Variants in C5 observed in about 807,000 individuals in gnomAD.
C5 encodes complement C5.
A neutral mutation model predicts 218.8 loss-of-function variants in C5; 140 were observed. The ratio of observed to expected loss-of-function variants is 0.64; its 90% CI spans 0.56 to 0.74. The LOEUF (loss-of-function observed/expected upper bound fraction) is 0.74, where lower values mean the gene tolerates loss of function less well. C5 is among the 30% of genes least tolerant of loss of function. C5 has a pLI of 0.00. For missense variants in C5, 1,700 were observed against 1,969.6 expected (o/e 0.86, Z 2.59); for synonymous variants, 614 against 682.3 (o/e 0.90, Z 1.56).
chr9:120,977,444 C>T (rs1299599426), intron 28 of C5, among the ~76,000 whole-genome samples: 2 of 152,130 alleles, frequency 1.3e-5, no homozygotes, highest in African/African-American at 4.8e-5. Context: ...GAACACTCAA[C>T]CTATTTTTTG....
At chr9:121,012,469 G>A (rs1451604380) in intron 17 of C5, among the ~76,000 whole-genome samples, 2 of 152,076 alleles carry the variant, frequency 1.3e-5, no homozygotes, top group Admixed American at 1.3e-4. Context: ...AGCTGAGACT[G>A]CGCCATTGCA....
the C5 span, among the ~76,000 whole-genome samples, chr9:121,070,394 T>G: frequency 1.5e-4 from 7 of 45,992 alleles, no homozygotes; most frequent in African/African-American, 3.4e-4. Context: ...GATATATATA[T>G]ATATATATAT....
At chr9:120,957,241 A>C (rs758026799) in intron 39 of C5, 44 bp downstream of exon 39, 3 of 1,300,072 alleles carry the variant, frequency 2.3e-6, no homozygotes, top group Non-Finnish European at 3.3e-6. Flanking sequence ...GTCAGTACTA[A>C]ATAGTTGCTG....
At chr9:120,992,657 A>G (rs2047085560) in intron 22 of C5, among the ~76,000 whole-genome samples, 1 of 152,224 alleles carries the variant, frequency 6.6e-6, no homozygotes, top group Non-Finnish European at 1.5e-5. Context: ...AAGAGAAGTT[A>G]ATTTTATTCC....
the C5 span, chr9:121,074,628 C>A: frequency 5.5e-6 from 2 of 366,938 alleles, no homozygotes; most frequent in African/African-American, 4.3e-5. Flanking sequence ...CGGACACAGG[C>A]CCTGAGAAGC....
chr9:120,978,126 C>A (rs557150443), intron 28 of C5, among the ~76,000 whole-genome samples: 16 of 152,160 alleles, frequency 1.1e-4, no homozygotes, highest in Non-Finnish European at 2.2e-4. Context: ...TTATTTCTTT[C>A]CAATTTAAAG....
rs991961933 is a variant in C5, at chr9:120,961,579, A to C, written c.4505-14T>G. 2.6e-6 allele frequency: 4 copies of C among 1,538,176 alleles called. No homozygotes were observed. The highest frequency in any genetic ancestry group is 3.6e-6 in the Non-Finnish European group (4 of 1,110,964). ...TACACTGTTTATCTGTGGCAACAAA[A>C]GTGTGGTTAAGAGAAGTGGTTTGAT... On this transcript the variant is annotated splice_polypyrimidine_tract_variant and intron_variant, in intron 36 of 40. Coordinates refer to ENST00000223642, the MANE Select transcript of C5 (RefSeq NM_001735.3).
chr9:121,016,454 T>C, intron 14 of C5, 71 bp from the exon 15 acceptor site: 5 of 1,577,920 alleles, frequency 3.2e-6, no homozygotes, highest in Non-Finnish European at 4.4e-6. Flanking sequence ...TAAAAGGTAC[T>C]AATTGTTACA....
chr9:120,952,902 CA>C (rs771748660), intron 40 of C5, 34 bp from the exon 41 acceptor site: 4 of 1,610,396 alleles, frequency 2.5e-6, no homozygotes, highest in Admixed American at 3.3e-5. Flanking sequence ...GAGGTGGCCA[CA>C]AAACAGAAAA....
the C5 span, among the ~76,000 whole-genome samples, chr9:121,072,889 C>T: frequency 2.0e-5 from 3 of 150,732 alleles, no homozygotes; most frequent in Non-Finnish European, 3.0e-5. Context: ...AAAAATTCTG[C>T]GTTTAAACTC....
Position 121,016,294 on chromosome 9 carries a change from G to C in C5, c.1956C>G (p.Thr652=), listed in dbSNP as rs2131758625. The C allele has an allele frequency of 6.2e-7, 1 of 1,614,040 alleles. No homozygotes were observed. The stretch of plus-strand genomic sequence containing the variant: ...CATCTGCATTTGCATTAGTGAGGAA[G>C]GTAAGTCCAGCTAGGTGGAACACAT... ...NANVFHLAGL[T]FLTNANADDS... Residue 652 remains threonine (T), a synonymous_variant, in exon 15 of 41, where the codon ACC becomes ACG. Transcript: ENST00000223642.
At chr9:121,059,329 G>A in the C5 span, among the ~76,000 whole-genome samples, 1 of 152,270 alleles carries the variant, frequency 6.6e-6, no homozygotes, top group Admixed American at 6.5e-5. The surrounding 1 kb of genome is among the most constrained non-coding windows in gnomAD (Gnocchi z 4.1). Context: ...GGAATCAAAA[G>A]GAAACAACAT....
At chr9:121,046,122 A>G in intron 2 of C5, 69 bp downstream of exon 2, 1 of 803,308 alleles carries the variant, frequency 1.2e-6, no homozygotes, top group South Asian at 1.9e-5. Flanking sequence ...CAATATTCAA[A>G]CTTTGTACAC....
Position 121,020,005 on chromosome 9 carries a change from T to TA in C5, c.1476dup (p.Ile493TyrfsTer2). 6.2e-7 allele frequency: 1 copy of TA among 1,608,710 alleles called. No homozygotes were observed. Among genetic ancestry groups the TA allele is most frequent in the Non-Finnish European group, 8.5e-7 (1 of 1,175,202 alleles). On this transcript the variant is annotated frameshift_variant, in exon 12 of 41. Coordinates refer to ENST00000223642, the MANE Select transcript of C5 (RefSeq NM_001735.3). LOFTEE classifies it high-confidence loss of function. ...TAATTATAGTGAGTTATTTTGTCAA[T>TA]ATATGGGCTTTTGGGGGTAACAATA...
At chr9:121,027,097 A>G in intron 8 of C5, 63 bp downstream of exon 8, 2 of 887,428 alleles carry the variant, frequency 2.3e-6, no homozygotes, top group Non-Finnish European at 3.7e-6. Flanking sequence ...TTTTTAAGTA[A>G]CTTCTCATCT....
rs17610 is a variant in C5 at position 120,974,867 on chromosome 9, C to T, written c.3929G>A (p.Ser1310Asn). ...CTTGTAAGAAACATCGATGTCCATA[C>T]TCAAGCGGAGTTGTTTAACCAGGAG... ...YSLLVKQLRLSMDIDVSYKHK... is the reference protein window; with the variant it reads ...YSLLVKQLRLNMDIDVSYKHK... Residue 1310 changes from serine (S) to asparagine (N), a missense_variant, in exon 30 of 41, where the codon AGT (serine) becomes AAT (asparagine). By Grantham distance (46) the Ser-to-Asn change is conservative (BLOSUM62 1). Coordinates refer to ENST00000223642, the MANE Select transcript of C5 (RefSeq NM_001735.3). 8,370 of 1,614,018 alleles carry T rather than the reference C, an allele frequency of 5.2e-3. 401 individuals carry two copies. The African/African-American group carries it at 0.1, about 19-fold the overall frequency.
the C5 span, among the ~76,000 whole-genome samples, chr9:121,067,075 G>A: frequency 2.6e-5 from 4 of 152,056 alleles, no homozygotes; most frequent in African/African-American, 9.6e-5. Context: ...AGACCAGCCT[G>A]GGCAATGCTG....
Position 121,021,678 on chromosome 9 carries a change from G to A in C5, c.1133C>T (p.Ser378Leu), listed in dbSNP as rs2047367059. 1.2e-6 allele frequency: 2 copies of A among 1,613,470 alleles called. No individual in the cohort carries two copies. The highest frequency in any genetic ancestry group is 1.7e-6 in the Non-Finnish European group (2 of 1,179,464). The change falls in exon 11 of 41, where the codon TCG becomes TTG. Residue 378 changes from serine to leucine, a missense_variant. Transcript: ENST00000223642. ...PYPIKVQVKD[S>L]LDQLVGGVPV... is the part of the protein sequence containing the mutation. ...GACTCCTCCTACCAACTGGTCAAGC[G>A]AATCTTTAACCTGCACCTGTTTGTC...
rs750127089 is a variant in C5 at position 121,006,056 on chromosome 9, T to A, written c.2425A>T (p.Ile809Leu). ...GCCTTGACAGTATCAGCAACACATA[T>A]ACCTTCAGCCCAAAGTGGAAGCAAA... Reference protein sequence around the residue: ...IQGVGISNTGICVADTVKAKV... With the variant: ...IQGVGISNTGLCVADTVKAKV... The change falls in exon 20 of 41, where the codon ATA becomes TTA. Residue 809 changes from isoleucine (I) to leucine (L), a missense_variant and splice_region_variant. Transcript: ENST00000223642. 1 of 1,613,474 alleles carries A rather than the reference T, an allele frequency of 6.2e-7. No individual in the cohort carries two copies. Among genetic ancestry groups the A allele is most frequent in the African/African-American group, 1.3e-5 (1 of 74,888 alleles).
Sources: allele counts gnomAD v4.1 joint callset (sites outside exome capture counted in the v4.1 genomes callset), GRCh38; gene constraint gnomAD v4.1.1; non-coding constraint Gnocchi (gnomAD v3.1); transcripts MANE v1.5; gene names NCBI Gene and HGNC (gene_info 2026-07-23, HGNC 2026-07-21).